ATXN1: variants seen among roughly 807,000 people sequenced by gnomAD.
The protein encoded by ATXN1 is ataxin-1.
In ATXN1, 8 loss-of-function variants were observed where a neutral mutation model predicts 56.4. The observed-to-expected ratio is 0.14, with a 90% CI of 0.08 to 0.26. The LOEUF is 0.26. Among genes scored for constraint, ATXN1 ranks in the 10% least tolerant of loss-of-function variants. The pLI, the probability that ATXN1 is intolerant of heterozygous loss-of-function variation, is 1.00. For synonymous variants in ATXN1, 514 were observed against 494.6 expected (o/e 1.04, Z -0.52); for missense variants, 987 against 1,106.5 (o/e 0.89, Z 1.53).
chr6:16,433,004 T>C (rs1377094681), intron 6 of ATXN1: 1 of 152,156 alleles, frequency 6.6e-6, no homozygotes, highest in African/African-American at 2.4e-5. Flanking sequence ...GCAAAGAAGG[T>C]CTTTTGCTGT....
In ATXN1 at chr6:16,627,511, G is replaced by A. The variant is rs543728046; in HGVS notation, c.-489+30265C>T. On this transcript the variant is annotated intron_variant, in intron 3 of 7. Transcript: ENST00000436367. ...TGGGAGGCCGAGGTGGGCGGGTCAC[G>A]AGGTCAGGAGTTTGAGACCTGCCTG... Among the ~76,000 whole-genome samples, 263 of 152,218 alleles carry A rather than the reference G, an allele frequency of 1.7e-3. 2 individuals are homozygous for A. The highest frequency in any genetic ancestry group is 3.4e-3 in the Middle Eastern group (1 of 294).
At chr6:16,576,426 A>G (rs905730938) in intron 4 of ATXN1, among the ~76,000 whole-genome samples, 1 of 152,196 alleles carries the variant, frequency 6.6e-6, no homozygotes, top group Non-Finnish European at 1.5e-5. Context: ...AAGCAAGCAA[A>G]GACACAAGGA....
At chr6:16,471,191 A>AACACACACACACAC (rs5874560) in intron 6 of ATXN1, among the ~76,000 whole-genome samples, 37 of 148,012 alleles carry the variant, frequency 2.5e-4, no homozygotes, top group African/African-American at 8.7e-4. Flanking sequence ...TGGCAATTAA[A>AACACACACACACAC]ACACACACAC....
At chr6:16,597,434 A>C (rs1762835065) in intron 3 of ATXN1, among the ~76,000 whole-genome samples, 2 of 133,914 alleles carry the variant, frequency 1.5e-5, no homozygotes, top group African/African-American at 5.6e-5. Flanking sequence ...CAAGCAGCAT[A>C]AATCTATTTT....
At position 16,419,655 on chromosome 6, in the gene ATXN1, G is replaced by A. The variant is rs1027943722; in HGVS notation, c.-161+66317C>T. Among the ~76,000 whole-genome samples, 4 of 152,094 alleles carry A rather than the reference G, an allele frequency of 2.6e-5. No individual in the cohort carries two copies. The South Asian group carries it at 6.2e-4, about 24-fold the overall frequency. On this transcript the variant is annotated intron_variant, in intron 6 of 7. Coordinates refer to ENST00000436367, the MANE Select transcript of ATXN1 (RefSeq NM_001128164.2). ...TTTCCCTTTGAAGAAATCAGCCAAC[G>A]TAACAAGCAAAGGTGCCAGGGAGGC...
intron 2 of ATXN1, among the ~76,000 whole-genome samples, chr6:16,713,659 G>A (rs1254691413): frequency 3.3e-5 from 5 of 152,098 alleles, no homozygotes; most frequent in Admixed American, 6.5e-5. Context: ...TTCTCCACCC[G>A]CTTACTACCC....
At chr6:16,525,699 T>C (rs1030249356) in intron 4 of ATXN1, among the ~76,000 whole-genome samples, 2 of 152,138 alleles carry the variant, frequency 1.3e-5, no homozygotes, top group African/African-American at 2.4e-5. Context: ...GGATAAATGC[T>C]TGAGTGGATG....
intron 2 of ATXN1, among the ~76,000 whole-genome samples, chr6:16,697,486 T>G (rs550626097): frequency 6.6e-6 from 1 of 152,288 alleles, no homozygotes; most frequent in South Asian, 2.1e-4. Flanking sequence ...TTTTCTTCTT[T>G]CCACTTAAAT....
At chr6:16,453,165 CT>C (rs1759786506) in intron 6 of ATXN1, among the ~76,000 whole-genome samples, 1 of 138,440 alleles carries the variant, frequency 7.2e-6, no homozygotes, top group Non-Finnish European at 1.6e-5. Flanking sequence ...AATCATGTTA[CT>C]TTTCTCAGCA....
At chr6:16,557,293 C>G (rs1442360888) in intron 4 of ATXN1, among the ~76,000 whole-genome samples, 1 of 131,854 alleles carries the variant, frequency 7.6e-6, no homozygotes, top group Non-Finnish European at 1.5e-5. Flanking sequence ...TGCCACTGCA[C>G]TTTAGCCTGG....
At chr6:16,365,948 CT>C (rs1026265423) in intron 6 of ATXN1, among the ~76,000 whole-genome samples, 25 of 152,166 alleles carry the variant, frequency 1.6e-4, no homozygotes, top group African/African-American at 6.0e-4. Context: ...GTCTATCTAT[CT>C]AATCCCCATA....
intron 4 of ATXN1, among the ~76,000 whole-genome samples, chr6:16,559,841 T>G (rs995890838): frequency 6.6e-6 from 1 of 151,852 alleles, no homozygotes; most frequent in Admixed American, 6.6e-5. Flanking sequence ...AGCTTTGTTA[T>G]TTTTAGTATG....
intron 3 of ATXN1, among the ~76,000 whole-genome samples, chr6:16,620,177 A>G (rs989220493): frequency 3.9e-5 from 6 of 152,100 alleles, no homozygotes; most frequent in Admixed American, 2.6e-4. Context: ...TCTATGCTAG[A>G]GGAAAAGCAG....
intron 2 of ATXN1, among the ~76,000 whole-genome samples, chr6:16,746,582 G>A (rs2113522210): frequency 6.6e-6 from 1 of 152,308 alleles, no homozygotes; most frequent in East Asian, 1.9e-4. Context: ...ATTCTTTCCA[G>A]TTATACTGCA....
At chr6:16,342,674 A>AT (rs1761279835) in intron 6 of ATXN1, among the ~76,000 whole-genome samples, 1 of 152,246 alleles carries the variant, frequency 6.6e-6, no homozygotes, top group Admixed American at 6.5e-5. Context: ...ATGACGAGCT[A>AT]TTATTCATCC....
At chr6:16,746,503 T>C (rs1358068826) in intron 2 of ATXN1, among the ~76,000 whole-genome samples, 1 of 152,198 alleles carries the variant, frequency 6.6e-6, no homozygotes. Context: ...TGGCCCTTGA[T>C]ATTACTGCTT....
At chr6:16,315,130 A>G (rs1334722724) in intron 7 of ATXN1, among the ~76,000 whole-genome samples, 1 of 152,120 alleles carries the variant, frequency 6.6e-6, no homozygotes, top group Non-Finnish European at 1.5e-5. Flanking sequence ...ACGTCCACTC[A>G]GATGTCGAAT....
chr6:16,434,896 AG>A (rs1759356420), intron 6 of ATXN1, among the ~76,000 whole-genome samples: 1 of 152,216 alleles, frequency 6.6e-6, no homozygotes, highest in South Asian at 2.1e-4. Context: ...TGATGGGAAC[AG>A]TTGGAAGAGG....
At chr6:16,667,642 T>C (rs1341868971) in intron 2 of ATXN1, 1 of 152,250 alleles carries the variant, frequency 6.6e-6, no homozygotes, top group African/African-American at 2.4e-5. Context: ...AGCACATTTA[T>C]GAAACAAGCT....
Sources: gnomAD v4.1 joint callset for allele counts (sites outside exome capture counted in the v4.1 genomes callset) on GRCh38, gnomAD v4.1.1 for gene constraint, MANE v1.5 for transcripts, NCBI Gene and HGNC (gene_info 2026-07-23, HGNC 2026-07-21) for gene names.